The following ANKRD44 variants were observed in gnomAD, a reference collection of about 807,000 sequenced individuals.
ANKRD44 encodes ankyrin repeat domain 44, also known as serine/threonine-protein phosphatase 6 regulatory ankyrin repeat subunit B.
Under a neutral mutation model 116.0 loss-of-function variants are expected in ANKRD44, and 35 were observed. The ratio of observed to expected loss-of-function variants is 0.30; its 90% confidence interval spans 0.23 to 0.40. The LOEUF is 0.40. Among genes scored for constraint, ANKRD44 ranks in the 10% least tolerant of loss-of-function variants. ANKRD44 has a pLI of 1.00. For missense variants in ANKRD44, 1,014 were observed against 1,242.6 expected (o/e 0.82, Z 2.77); for synonymous variants, 435 against 461.8 (o/e 0.94, Z 0.74).
chr2:197,081,676 C>T lies in ANKRD44; in HGVS notation c.1507G>A (p.Ala503Thr), dbSNP rs764978733. The change falls in exon 15 of 28, where the codon GCC becomes ACC. Residue 503 changes from alanine (A) to threonine (T), a missense_variant. Transcript: ENST00000282272. The part of the protein sequence containing the change: ...AHDNSEELER[A>T]RELKEKEATL... ...GCTTCCTTTTCCTTCAGCTCCCTGG[C>T]TCTTTCAAGTTCTTCTGAATTATCA... 11 of 1,613,930 alleles carry T rather than the reference C, an allele frequency of 6.8e-6. No homozygotes were observed. The highest frequency in any genetic ancestry group is 5.0e-5 in the Admixed American group (3 of 60,008).
At chr2:196,996,106 TC>T (rs2076007119) in intron 25 of ANKRD44, among the ~76,000 whole-genome samples, 2 of 152,328 alleles carry the variant, frequency 1.3e-5, no homozygotes, top group South Asian at 4.1e-4. Flanking sequence ...GGTTATGGCT[TC>T]CTAAGCCCTT....
intron 17 of ANKRD44, among the ~76,000 whole-genome samples, chr2:197,020,508 T>TA (rs766574342): frequency 1.3e-4 from 19 of 151,960 alleles, no homozygotes; most frequent in Non-Finnish European, 1.3e-4. Context: ...TGAGCTTAAA[T>TA]AAAAAAAATT....
chr2:197,077,032 T>C (rs2077685129), intron 16 of ANKRD44, among the ~76,000 whole-genome samples: 1 of 152,214 alleles, frequency 6.6e-6, no homozygotes, highest in African/African-American at 2.4e-5. Context: ...AGTGGTGGGA[T>C]TGCTGGGTTG....
At chr2:197,152,707 T>G (rs1302984931) in intron 2 of ANKRD44, among the ~76,000 whole-genome samples, 1 of 152,216 alleles carries the variant, frequency 6.6e-6, no homozygotes, top group Non-Finnish European at 1.5e-5. Flanking sequence ...CTAAAAATAC[T>G]GTGTAGACAG....
intron 2 of ANKRD44, among the ~76,000 whole-genome samples, chr2:197,150,548 C>CA (rs1448603382): frequency 3.3e-5 from 5 of 150,138 alleles, no homozygotes; most frequent in East Asian, 3.9e-4. Context: ...GACTCCATCT[C>CA]AAAAAAAAGA....
At chr2:197,275,004 T>C (rs1434851782) in intron 1 of ANKRD44, among the ~76,000 whole-genome samples, 1 of 151,828 alleles carries the variant, frequency 6.6e-6, no homozygotes, top group Non-Finnish European at 1.5e-5. Context: ...TGGGAGGCTG[T>C]GGTAGGAGGA....
chr2:197,209,603 G>T (rs772338229), intron 1 of ANKRD44, among the ~76,000 whole-genome samples: 1 of 152,190 alleles, frequency 6.6e-6, no homozygotes, highest in Non-Finnish European at 1.5e-5. Context: ...TGGCCCATTT[G>T]CCGTTCCAGT....
chr2:197,087,149 T>C (rs931146778), intron 12 of ANKRD44, among the ~76,000 whole-genome samples: 2 of 152,068 alleles, frequency 1.3e-5, no homozygotes, highest in African/African-American at 4.8e-5. Flanking sequence ...TGAGCCAGAG[T>C]GGATGGGCGT....
At chr2:197,097,429 A>G (rs2078186972) in intron 10 of ANKRD44, among the ~76,000 whole-genome samples, 1 of 152,226 alleles carries the variant, frequency 6.6e-6, no homozygotes, top group Non-Finnish European at 1.5e-5. Flanking sequence ...GATCTGGTTC[A>G]GAACTCCAGA....
At chr2:197,062,556 A>G (rs1463028871) in intron 16 of ANKRD44, among the ~76,000 whole-genome samples, 2 of 152,224 alleles carry the variant, frequency 1.3e-5, no homozygotes, top group East Asian at 3.9e-4. Flanking sequence ...GGGAAGCGCA[A>G]GGGGTCAGGG....
intron 12 of ANKRD44, among the ~76,000 whole-genome samples, chr2:197,088,438 T>C (rs1273594315): frequency 6.6e-6 from 1 of 152,148 alleles, no homozygotes; most frequent in East Asian, 1.9e-4. Flanking sequence ...AACTGATATG[T>C]ATTCTATAGC....
intron 1 of ANKRD44, among the ~76,000 whole-genome samples, chr2:197,244,033 T>C (rs2082140812): frequency 6.6e-6 from 1 of 152,194 alleles, no homozygotes; most frequent in Non-Finnish European, 1.5e-5. Flanking sequence ...AGATGACATA[T>C]GGATAAAAGT....
intron 16 of ANKRD44, among the ~76,000 whole-genome samples, chr2:197,026,571 C>T (rs779441501): frequency 1.3e-5 from 2 of 152,110 alleles, no homozygotes; most frequent in Non-Finnish European, 2.9e-5. Context: ...GTGAGAATGG[C>T]AGGACAGAAA....
At chr2:197,276,275 C>CAA (rs11351342) in intron 1 of ANKRD44, among the ~76,000 whole-genome samples, 2,163 of 107,936 alleles carry the variant, frequency 0.02, 42 homozygotes, top group South Asian at 0.032. Flanking sequence ...AACTTGGTCT[C>CAA]AAAAAAAAAA....
intron 16 of ANKRD44, among the ~76,000 whole-genome samples, chr2:197,040,838 C>T (rs1037757865): frequency 2.0e-5 from 3 of 152,206 alleles, no homozygotes. Flanking sequence ...AAAGTGCCTA[C>T]ACATGCTCTG....
intron 16 of ANKRD44, among the ~76,000 whole-genome samples, chr2:197,035,777 G>A (rs889204740): frequency 6.7e-6 from 1 of 149,490 alleles, no homozygotes; most frequent in African/African-American, 2.4e-5. Context: ...GCTATGACCT[G>A]GCCTCGGCTC....
In ANKRD44 at chr2:196,989,449, T is replaced by A. The variant is rs563948277; in HGVS notation, c.*142A>T. ...TCACTTGCATTTTGAAGGAAAAAAA[T>A]GTGTATCTTCCATTTTAGACTGAAG... On this transcript the variant is annotated 3_prime_UTR_variant, in exon 28 of 28. Coordinates refer to ENST00000282272, the MANE Select transcript of ANKRD44 (RefSeq NM_001195144.2). 13 of 1,268,468 alleles carry A rather than the reference T, an allele frequency of 1.0e-5. No individual in the cohort carries two copies. In the South Asian group the frequency reaches 2.8e-4, roughly 28 times the overall value. The allele number at this position is 1,268,468 out of a possible 1,614,324, so 78.6% of individuals were successfully genotyped here. A position where few individuals can be genotyped will look rare whatever the true frequency, so the allele number is the denominator to read the frequency against.
chr2:197,219,439 T>C (rs2081534163), intron 1 of ANKRD44, among the ~76,000 whole-genome samples: 1 of 152,184 alleles, frequency 6.6e-6, no homozygotes, highest in Non-Finnish European at 1.5e-5. Context: ...CATTGTTATA[T>C]GACATCACTA....
intron 2 of ANKRD44, among the ~76,000 whole-genome samples, chr2:197,158,287 C>T (rs1277126512): frequency 6.6e-6 from 1 of 152,140 alleles, no homozygotes; most frequent in East Asian, 1.9e-4. Context: ...AAACTTAACG[C>T]ATTTGTTGAA....
Sources: gnomAD v4.1 joint callset for allele counts (sites outside exome capture counted in the v4.1 genomes callset) on GRCh38, gnomAD v4.1.1 for gene constraint, MANE v1.5 for transcripts, NCBI Gene and HGNC (gene_info 2026-07-23, HGNC 2026-07-21) for gene names.